Variants in UBE2E1 observed in about 807,000 individuals in gnomAD.
UBE2E1 encodes the protein ubiquitin-conjugating enzyme E2 E1.
A neutral mutation model predicts 21.4 loss-of-function variants in UBE2E1; 6 were observed. The ratio of observed to expected loss-of-function variants is 0.28; its 90% CI spans 0.15 to 0.55. UBE2E1 has a LOEUF of 0.55. Ranked by LOEUF, UBE2E1 falls within the 20% of genes least tolerant of loss-of-function variation. UBE2E1 has a pLI of 0.93. For missense variants in UBE2E1, 142 were observed against 236.5 expected, an observed-to-expected ratio of 0.60 and a Z score of 2.62; for synonymous variants, 87 against 82.7, an observed-to-expected ratio of 1.05 and a Z score of -0.28.
intron 3 of UBE2E1, among the ~76,000 whole-genome samples, chr3:23,867,077 T>G (rs1700671544): frequency 6.6e-6 from 1 of 151,638 alleles, no homozygotes; most frequent in South Asian, 2.1e-4. Context: ...TCTTTTTTTT[T>G]TTTCTCTTTG....
At chr3:23,880,889 T>TA (rs1184423144) in intron 3 of UBE2E1, among the ~76,000 whole-genome samples, 1 of 152,226 alleles carries the variant, frequency 6.6e-6, no homozygotes, top group Non-Finnish European at 1.5e-5. Flanking sequence ...TGATTTGTAG[T>TA]ACAGTTTATA....
At chr3:23,825,413 C>T (rs911421965) in intron 3 of UBE2E1, among the ~76,000 whole-genome samples, 23 of 152,278 alleles carry the variant, frequency 1.5e-4, no homozygotes, top group African/African-American at 4.8e-4. Flanking sequence ...TGATATTTAT[C>T]GGCCATTTAT....
intron 3 of UBE2E1, among the ~76,000 whole-genome samples, chr3:23,885,519 G>C (rs1209206759): frequency 6.6e-6 from 1 of 152,122 alleles, no homozygotes; most frequent in Non-Finnish European, 1.5e-5. Flanking sequence ...AAACTATGAA[G>C]TCATCTTTTT....
In UBE2E1 at chr3:23,870,870, G is replaced by A. The variant is rs1700769622; in HGVS notation, c.204-16697G>A. Among the ~76,000 whole-genome samples, 1 of 151,982 alleles carries A rather than the reference G, an allele frequency of 6.6e-6. No individual in the cohort carries two copies. Among genetic ancestry groups the A allele is most frequent in the African/African-American group, 2.4e-5 (1 of 41,370 alleles). Reference sequence around the variant, plus strand: ...CCTGGGTACTTGAGATTAGGGAGTGGTGATGATTCTTAACGAGCATGCTGC... The same window carrying A: ...CCTGGGTACTTGAGATTAGGGAGTGATGATGATTCTTAACGAGCATGCTGC... On this transcript the variant is annotated intron_variant, in intron 3 of 5. Transcript: ENST00000306627. This position sits in a 1 kb window ranked among gnomAD's most constrained non-coding sequence, Gnocchi z 4.2.
At chr3:23,871,839 A>G (rs926378498) in intron 3 of UBE2E1, among the ~76,000 whole-genome samples, 1 of 150,362 alleles carries the variant, frequency 6.7e-6, no homozygotes, top group Non-Finnish European at 1.5e-5. Context: ...GGCGCTCCTC[A>G]CTTCCTAGAT....
At chr3:23,874,031 C>G (rs1319936629) in intron 3 of UBE2E1, among the ~76,000 whole-genome samples, 1 of 152,240 alleles carries the variant, frequency 6.6e-6, no homozygotes, top group African/African-American at 2.4e-5. Flanking sequence ...TTCTTGAACT[C>G]TGTACTTGTG....
chr3:23,807,070 T>A, intron 1 of UBE2E1, 167 bp from the exon 2 acceptor site: 2 of 508,700 alleles, frequency 3.9e-6, no homozygotes, highest in Non-Finnish European at 6.7e-6. Flanking sequence ...ACAAGCCGCG[T>A]CCGATTTGCA....
chr3:23,883,146 ATACTC>A (rs1374271407), intron 3 of UBE2E1, among the ~76,000 whole-genome samples: 1 of 152,216 alleles, frequency 6.6e-6, no homozygotes, highest in Admixed American at 6.5e-5. Context: ...AGGATTTTCC[ATACTC>A]TAATCATTTG....
chr3:23,856,293 G>T (rs1489485073), intron 3 of UBE2E1, among the ~76,000 whole-genome samples: 1 of 152,170 alleles, frequency 6.6e-6, no homozygotes, highest in East Asian at 1.9e-4. Flanking sequence ...CTCCCAAAAT[G>T]CTGGGATTAC....
intron 3 of UBE2E1, among the ~76,000 whole-genome samples, chr3:23,856,760 A>G: frequency 6.6e-6 from 1 of 152,182 alleles, no homozygotes. Flanking sequence ...TTCAGAGGTT[A>G]GAGGGGAATC....
intron 2 of UBE2E1, among the ~76,000 whole-genome samples, chr3:23,809,287 G>C (rs1411026607): frequency 2.0e-5 from 3 of 152,190 alleles, no homozygotes; most frequent in African/African-American, 7.2e-5. Flanking sequence ...AGTGTATCCA[G>C]GAAAGAGAAT....
rs757098401 is a variant in UBE2E1, at chr3:23,863,230, A to G, written c.204-24337A>G. 4.6e-4 allele frequency among the ~76,000 whole-genome samples: 70 copies of G among 152,274 alleles called. No individual in the cohort carries two copies. The highest frequency in any genetic ancestry group is 7.4e-4 in the Non-Finnish European group (50 of 68,026). ...TCATGACAATGGATGATGACAACTT[A>G]GTTCTTTCCTACCTAGTCACACTCT... On this transcript the variant is annotated intron_variant, in intron 3 of 5. Transcript: ENST00000306627. This position sits in a 1 kb window ranked among gnomAD's most constrained non-coding sequence, Gnocchi z 4.3.
intron 3 of UBE2E1, among the ~76,000 whole-genome samples, chr3:23,886,305 G>C (rs1701182557): frequency 6.6e-6 from 1 of 152,214 alleles, no homozygotes; most frequent in African/African-American, 2.4e-5. Context: ...CGTTTAATGA[G>C]AGATACCCAT....
intron 3 of UBE2E1, among the ~76,000 whole-genome samples, chr3:23,852,496 TA>T (rs1394117830): frequency 6.6e-6 from 1 of 152,248 alleles, no homozygotes; most frequent in Non-Finnish European, 1.5e-5. Context: ...TTATTGGTCC[TA>T]AGAGCTTTTT....
At chr3:23,856,276 C>T (rs945153852) in intron 3 of UBE2E1, among the ~76,000 whole-genome samples, 5 of 152,306 alleles carry the variant, frequency 3.3e-5, no homozygotes, top group Admixed American at 1.3e-4. Context: ...GATCCACCCA[C>T]CTTGGCCTCC....
At chr3:23,821,191 C>T (rs1235548598) in intron 3 of UBE2E1, among the ~76,000 whole-genome samples, 1 of 152,130 alleles carries the variant, frequency 6.6e-6, no homozygotes, top group Non-Finnish European at 1.5e-5. Flanking sequence ...AGGATTAGTA[C>T]AAGTTGTAAT....
chr3:23,847,163 C>T (rs769107695), intron 3 of UBE2E1, among the ~76,000 whole-genome samples: 20 of 152,134 alleles, frequency 1.3e-4, no homozygotes, highest in Non-Finnish European at 2.1e-4. Flanking sequence ...CTAATAATTA[C>T]ATCAGGGCAG....
chr3:23,872,382 G>C (rs1437731060), intron 3 of UBE2E1, among the ~76,000 whole-genome samples: 20 of 148,622 alleles, frequency 1.3e-4, no homozygotes, highest in Admixed American at 1.3e-3. Context: ...GAGGGGGAGG[G>C]GGAGAGGGAG....
Position 23,810,665 on chromosome 3 carries a change from C to A in UBE2E1, c.153-795C>A. The A allele has an allele frequency of 1.2e-6, 1 of 803,126 alleles. No individual in the cohort carries two copies. The highest frequency in any genetic ancestry group is 1.8e-6 in the Non-Finnish European group (1 of 542,784). The allele number at this position is 803,126 out of a possible 1,614,324, so 49.7% of individuals were successfully genotyped here. A position where few individuals can be genotyped will look rare whatever the true frequency, so the allele number is the denominator to read the frequency against. On this transcript the variant is annotated intron_variant, in intron 2 of 5. Coordinates refer to ENST00000306627, the MANE Select transcript of UBE2E1 (RefSeq NM_003341.5). The surrounding 1 kb of genome is among the most constrained non-coding windows in gnomAD (Gnocchi z 5.8). ...GGCGGGGGTGTTCGCGCCCTGCTTT[C>A]GCGCGCGGTCTCGGGCCAAGGTTCT...
Sources: allele counts gnomAD v4.1 joint callset (sites outside exome capture counted in the v4.1 genomes callset), GRCh38; gene constraint gnomAD v4.1.1; non-coding constraint Gnocchi (gnomAD v3.1); transcripts MANE v1.5; gene names NCBI Gene and HGNC (gene_info 2026-07-23, HGNC 2026-07-21).